The following KCNIP4 variants were observed in gnomAD, a reference collection of about 807,000 sequenced individuals.
The protein encoded by KCNIP4 is potassium voltage-gated channel interacting protein 4.
KCNIP4 carries 12 observed loss-of-function variants against 34.0 expected under a neutral mutation model. The ratio of observed to expected loss-of-function variants is 0.35; its 90% CI spans 0.23 to 0.57. The LOEUF (loss-of-function observed/expected upper bound fraction) is 0.57, where lower values mean the gene tolerates loss of function less well. KCNIP4 is among the 20% of genes least tolerant of loss of function. The pLI, the probability that KCNIP4 is intolerant of heterozygous loss-of-function variation, is 0.83. For synonymous variants in KCNIP4, 124 were observed against 102.2 expected (o/e 1.21, Z -1.29); for missense variants, 238 against 311.7 (o/e 0.76, Z 1.78).
At chr4:21,813,442 G>C (rs1327128639) in intron 1 of KCNIP4, among the ~76,000 whole-genome samples, 2 of 152,126 alleles carry the variant, frequency 1.3e-5, no homozygotes, top group Admixed American at 1.3e-4. Flanking sequence ...AGGTAAGATA[G>C]AATCATCCAT....
intron 1 of KCNIP4, among the ~76,000 whole-genome samples, chr4:21,359,961 A>C (rs1326385431): frequency 2.0e-5 from 3 of 152,152 alleles, no homozygotes; most frequent in African/African-American, 7.2e-5. Context: ...TGAGATTTAA[A>C]TCTGAGAAGG....
At chr4:21,543,229 T>A (rs1460476) in intron 1 of KCNIP4, among the ~76,000 whole-genome samples, 54,901 of 151,862 alleles carry the variant, frequency 0.36, 10,182 homozygotes, top group South Asian at 0.52. Flanking sequence ...ATCATTCAAC[T>A]TTATGCAAGC....
At chr4:21,390,571 A>G (rs1722473447) in intron 1 of KCNIP4, among the ~76,000 whole-genome samples, 2 of 152,182 alleles carry the variant, frequency 1.3e-5, no homozygotes, top group African/African-American at 4.8e-5. Context: ...TCCTTTCCCC[A>G]TTTCTTGTTT....
At chr4:21,833,053 G>A (rs1238762685) in intron 1 of KCNIP4, among the ~76,000 whole-genome samples, 3 of 149,416 alleles carry the variant, frequency 2.0e-5, no homozygotes, top group East Asian at 2.0e-4. Context: ...ATAAACATAC[G>A]TGTGCATGTG....
At chr4:21,222,289 T>C (rs547840806) in intron 1 of KCNIP4, among the ~76,000 whole-genome samples, 9 of 152,098 alleles carry the variant, frequency 5.9e-5, no homozygotes, top group Non-Finnish European at 1.2e-4. Context: ...AAAAGAGGAA[T>C]TAGCAATCAA....
intron 1 of KCNIP4, among the ~76,000 whole-genome samples, chr4:21,740,896 G>T (rs1716354178): frequency 6.6e-6 from 1 of 152,060 alleles, no homozygotes; most frequent in Admixed American, 6.6e-5. Flanking sequence ...TATGCTCAGG[G>T]TATTACATTG....
intron 1 of KCNIP4, among the ~76,000 whole-genome samples, chr4:21,842,767 T>A (rs571402097): frequency 3.5e-4 from 54 of 152,228 alleles, no homozygotes; most frequent in African/African-American, 1.3e-3. Context: ...CATATTAAGG[T>A]AACATTATTA....
At chr4:21,865,081 C>CT (rs368547106) in intron 1 of KCNIP4, among the ~76,000 whole-genome samples, 48 of 151,144 alleles carry the variant, frequency 3.2e-4, no homozygotes, top group African/African-American at 1.0e-3. Context: ...TATTGCCTCT[C>CT]TTTTTTTTTC....
Position 20,814,177 on chromosome 4 carries a change from C to A in KCNIP4, c.288+36366G>T, listed in dbSNP as rs146954273. ...AAAATGCAGACTCCCAGGTCCCATC[C>A]CAGGAGAACTGAAACAGAATTTGCC... is the stretch of plus-strand genomic sequence containing the variant. On this transcript the variant is annotated intron_variant, in intron 3 of 8. Transcript: ENST00000382152. Among the ~76,000 whole-genome samples the A allele has an allele frequency of 6.8e-3, 1,032 of 152,220 alleles. 15 individuals are homozygous for A. Among genetic ancestry groups the A allele is most frequent in the African/African-American group, 0.023 (963 of 41,528 alleles).
At chr4:21,467,759 C>T (rs533431559) in intron 1 of KCNIP4, among the ~76,000 whole-genome samples, 5 of 152,232 alleles carry the variant, frequency 3.3e-5, no homozygotes, top group South Asian at 2.1e-4. Flanking sequence ...TTCTGAAAGT[C>T]GGAAGGCCAT....
chr4:20,975,947 G>C (rs547428300), intron 1 of KCNIP4, among the ~76,000 whole-genome samples: 2 of 152,176 alleles, frequency 1.3e-5, no homozygotes, highest in Non-Finnish European at 1.5e-5. Flanking sequence ...ACACCTATCT[G>C]TTTGCATATT....
At chr4:21,540,675 G>C (rs1227130489) in intron 1 of KCNIP4, among the ~76,000 whole-genome samples, 1 of 152,108 alleles carries the variant, frequency 6.6e-6, no homozygotes, top group African/African-American at 2.4e-5. Flanking sequence ...AGAAAAACTA[G>C]TTTAATCTTG....
intron 1 of KCNIP4, among the ~76,000 whole-genome samples, chr4:21,391,177 G>C (rs566988210): frequency 1.3e-5 from 2 of 152,148 alleles, no homozygotes; most frequent in Admixed American, 1.3e-4. Context: ...ATACTATTAA[G>C]TAATTTCTAT....
At chr4:20,979,927 G>GTCC (rs1735908897) in intron 1 of KCNIP4, among the ~76,000 whole-genome samples, 1 of 152,124 alleles carries the variant, frequency 6.6e-6, no homozygotes, top group Non-Finnish European at 1.5e-5. Flanking sequence ...CCAATTCACG[G>GTCC]TCCTAATCCA....
At chr4:21,088,658 C>G (rs1188806601) in intron 1 of KCNIP4, among the ~76,000 whole-genome samples, 1 of 152,070 alleles carries the variant, frequency 6.6e-6, no homozygotes, top group East Asian at 1.9e-4. Context: ...ATGAAACAGG[C>G]CTGGAATTAC....
At chr4:20,963,314 G>A (rs753786283) in intron 1 of KCNIP4, among the ~76,000 whole-genome samples, 3 of 144,804 alleles carry the variant, frequency 2.1e-5, no homozygotes, top group African/African-American at 7.8e-5. Flanking sequence ...GCGACAGAGC[G>A]AGACTCCGTC....
chr4:21,544,372 A>G (rs188640102), intron 1 of KCNIP4: 6 of 152,142 alleles, frequency 3.9e-5, no homozygotes, highest in African/African-American at 1.4e-4. Flanking sequence ...TAAAATAAGT[A>G]TCTATTTATT....
intron 1 of KCNIP4, among the ~76,000 whole-genome samples, chr4:20,967,288 A>C (rs1734453056): frequency 6.6e-6 from 1 of 152,222 alleles, no homozygotes. Flanking sequence ...TCTCGACACA[A>C]GAAATGGAAG....
chr4:21,557,827 G>A (rs1739197349), intron 1 of KCNIP4, among the ~76,000 whole-genome samples: 1 of 152,084 alleles, frequency 6.6e-6, no homozygotes, highest in Admixed American at 6.5e-5. Context: ...TTTCCTTCCT[G>A]GGCTTTGTAA....
Sources: gnomAD v4.1 joint callset for allele counts (sites outside exome capture counted in the v4.1 genomes callset) on GRCh38, gnomAD v4.1.1 for gene constraint, MANE v1.5 for transcripts, NCBI Gene and HGNC (gene_info 2026-07-23, HGNC 2026-07-21) for gene names.